COL22A1: variants seen among roughly 807,000 people sequenced by gnomAD.
COL22A1 encodes collagen alpha-1(XXII) chain.
In COL22A1, 221 loss-of-function variants were observed where a neutral mutation model predicts 248.9. That is an observed-to-expected ratio of 0.89 (90% CI 0.80 to 0.99). The LOEUF (loss-of-function observed/expected upper bound fraction) is 0.99. COL22A1 is among the 50% of genes least tolerant of loss of function. COL22A1 has a pLI of 0.00. For missense variants in COL22A1, 2,240 were observed against 2,179.0 expected, an observed-to-expected ratio of 1.03 and a Z score of -0.56; for synonymous variants, 891 against 793.4, an observed-to-expected ratio of 1.12 and a Z score of -2.07.
At chr8:138,733,350 G>A (rs1174136410) in intron 23 of COL22A1, among the ~76,000 whole-genome samples, 1 of 152,182 alleles carries the variant, frequency 6.6e-6, no homozygotes, top group Non-Finnish European at 1.5e-5. Flanking sequence ...TGAAAGACAG[G>A]CATAAAAAGC....
intron 11 of COL22A1, among the ~76,000 whole-genome samples, chr8:138,800,328 C>T (rs776056350): frequency 1.3e-5 from 2 of 152,180 alleles, no homozygotes; most frequent in African/African-American, 4.8e-5. Context: ...CGAGCCCTAT[C>T]CCTTGGCTGC....
At chr8:138,691,180 C>T (rs1332916130) in intron 35 of COL22A1, among the ~76,000 whole-genome samples, 1 of 152,176 alleles carries the variant, frequency 6.6e-6, no homozygotes, top group Non-Finnish European at 1.5e-5. Context: ...GGGCTGGGAC[C>T]TAACCACAGA....
chr8:138,646,643 T>C lies in COL22A1; in HGVS notation c.3487A>G (p.Ile1163Val). ...GPPGLPGPPG[I>V]AGPQGSQGER... ...GTCTCACTGACCTGTGGTCCAGCTA[T>C]TCCTGGGGGCCCTGGTAGGCCTGGA... The change falls in exon 47 of 65, where the codon ATA becomes GTA. Residue 1163 changes from isoleucine (I) to valine (V), a missense_variant. Ile to Val is a conservative substitution (Grantham distance 29). Coordinates refer to ENST00000303045, the MANE Select transcript of COL22A1 (RefSeq NM_152888.3). 1 of 1,584,384 alleles carries C rather than the reference T, an allele frequency of 6.3e-7. No homozygotes were observed. Among genetic ancestry groups the C allele is most frequent in the Non-Finnish European group, 8.6e-7 (1 of 1,164,994 alleles).
At chr8:138,828,714 C>T (rs185701232) in intron 5 of COL22A1, among the ~76,000 whole-genome samples, 1 of 151,684 alleles carries the variant, frequency 6.6e-6, no homozygotes, top group Admixed American at 6.6e-5. Context: ...CATGCCACTG[C>T]ACTCCAGCCT....
intron 64 of COL22A1, among the ~76,000 whole-genome samples, chr8:138,590,381 C>A (rs940065039): frequency 2.0e-5 from 3 of 152,112 alleles, no homozygotes; most frequent in Non-Finnish European, 4.4e-5. Context: ...ATTCCTTGGG[C>A]TAAGAGCCAC....
At chr8:138,894,784 G>A (rs930612145) in intron 1 of COL22A1, among the ~76,000 whole-genome samples, 1 of 152,174 alleles carries the variant, frequency 6.6e-6, no homozygotes, top group African/African-American at 2.4e-5. Context: ...ATATAAGTGA[G>A]CATGCTACAG....
chr8:138,743,015 A>G (rs1831777300), intron 22 of COL22A1, among the ~76,000 whole-genome samples: 1 of 139,044 alleles, frequency 7.2e-6, no homozygotes, highest in Non-Finnish European at 1.5e-5. Context: ...GGTAGTAGTG[A>G]TTGTGATAGT....
At chr8:138,756,925 G>A (rs1414243609) in intron 18 of COL22A1, among the ~76,000 whole-genome samples, 1 of 152,092 alleles carries the variant, frequency 6.6e-6, no homozygotes, top group East Asian at 1.9e-4. Flanking sequence ...CAAAAACCTT[G>A]AGTGCCAGTT....
intron 4 of COL22A1, 130 bp from the exon 5 acceptor site, chr8:138,833,280 G>A: frequency 1.6e-6 from 1 of 637,986 alleles, no homozygotes; most frequent in East Asian, 2.8e-5. Flanking sequence ...GGAGGGAGTT[G>A]TTCAAATACA....
chr8:138,881,612 G>C (rs527890847), intron 2 of COL22A1, among the ~76,000 whole-genome samples: 1 of 152,216 alleles, frequency 6.6e-6, no homozygotes, highest in African/African-American at 2.4e-5. Flanking sequence ...GTGAACCCGG[G>C]AGGCGGAGCT....
At chr8:138,819,013 G>T (rs923145633) in intron 7 of COL22A1, among the ~76,000 whole-genome samples, 12 of 152,096 alleles carry the variant, frequency 7.9e-5, no homozygotes, top group Non-Finnish European at 1.5e-4. Flanking sequence ...GCACGTGTCT[G>T]TCCTCCCACC....
rs145491849 is a variant in COL22A1, at chr8:138,801,787, G to A, written c.1557+1085C>T. Among the ~76,000 whole-genome samples the A allele has an allele frequency of 9.0e-3, 1,364 of 152,228 alleles. 22 individuals are homozygous for A. Among genetic ancestry groups the A allele is most frequent in the African/African-American group, 0.031 (1,275 of 41,528 alleles). On this transcript the variant is annotated intron_variant, in intron 11 of 64. Transcript: ENST00000303045. ...CCCAGCTATTCGGGAGACTGAGGCAGGAGAAGCGCTTGAACTTGGGAGGCG... is the reference window on the plus strand; with the variant it reads ...CCCAGCTATTCGGGAGACTGAGGCAAGAGAAGCGCTTGAACTTGGGAGGCG...
chr8:138,640,264 C>T (rs571917637), intron 47 of COL22A1, among the ~76,000 whole-genome samples: 189 of 152,266 alleles, frequency 1.2e-3, no homozygotes, highest in African/African-American at 4.3e-3. Flanking sequence ...GTGCTAAGCA[C>T]ATGATAAAAC....
chr8:138,793,941 C>T (rs16909639), intron 12 of COL22A1, among the ~76,000 whole-genome samples: 2,160 of 152,296 alleles, frequency 0.014, 26 homozygotes, highest in Middle Eastern at 0.027. Flanking sequence ...CAGAGCTGCA[C>T]GGTATTGCCT....
chr8:138,804,695 C>T (rs559995633), intron 10 of COL22A1, among the ~76,000 whole-genome samples: 18 of 151,708 alleles, frequency 1.2e-4, no homozygotes, highest in African/African-American at 4.1e-4. Context: ...GAGGGGGCAG[C>T]GGGTGTGTGT....
chr8:138,702,849 G>A (rs1355446243), intron 31 of COL22A1, among the ~76,000 whole-genome samples: 1 of 152,134 alleles, frequency 6.6e-6, no homozygotes, highest in East Asian at 1.9e-4. Context: ...CCACAATGCT[G>A]GTGAATGACA....
intron 4 of COL22A1, among the ~76,000 whole-genome samples, chr8:138,839,306 G>A (rs1028026648): frequency 5.9e-5 from 9 of 152,128 alleles, no homozygotes; most frequent in Non-Finnish European, 1.3e-4. Context: ...GACCCACGGC[G>A]AGGGTACACT....
At chr8:138,842,496 A>G (rs899832517) in intron 4 of COL22A1, among the ~76,000 whole-genome samples, 1 of 152,182 alleles carries the variant, frequency 6.6e-6, no homozygotes, top group African/African-American at 2.4e-5. Context: ...GTCTCAGGGA[A>G]AAGTTGCGCA....
chr8:138,634,152 A>G (rs1381792506), intron 49 of COL22A1, among the ~76,000 whole-genome samples: 1 of 152,244 alleles, frequency 6.6e-6, no homozygotes. Context: ...ACACACAGTT[A>G]ACAACTAGAA....
Sources: allele counts gnomAD v4.1 joint callset (sites outside exome capture counted in the v4.1 genomes callset), GRCh38; gene constraint gnomAD v4.1.1; transcripts MANE v1.5; gene names NCBI Gene and HGNC (gene_info 2026-07-23, HGNC 2026-07-21).